The following MTMR8 variants were observed in gnomAD, a reference collection of about 807,000 sequenced individuals.
MTMR8 encodes myotubularin related protein 8, also known as phosphatidylinositol-3,5-bisphosphate 3-phosphatase MTMR8.
In MTMR8, 65 loss-of-function variants were observed where a neutral mutation model predicts 39.3. The ratio of observed to expected loss-of-function variants is 1.65; its 90% CI spans 1.35 to 2.03. The LOEUF (loss-of-function observed/expected upper bound fraction) is 2.03. MTMR8 is among the 30% of genes most tolerant of loss of function. The probability of loss-of-function intolerance (pLI) is 0.00; values close to 1 mark genes in which losing one functional copy is unlikely to be tolerated. For missense variants in MTMR8, 777 were observed against 538.9 expected (o/e 1.44, Z -4.37); for synonymous variants, 245 against 185.2 (o/e 1.32, Z -2.62).
intron 1 of MTMR8, among the ~76,000 whole-genome samples, chrX:64,369,807 T>C (rs985376748): frequency 1.8e-5 from 2 of 111,049 alleles, no homozygotes; most frequent in Admixed American, 9.6e-5. Context: ...TTTATTGAAA[T>C]GCAAGAACAG....
intron 12 of MTMR8, among the ~76,000 whole-genome samples, chrX:64,318,158 C>T (rs1413014142): frequency 8.9e-6 from 1 of 112,117 alleles, no homozygotes; most frequent in Non-Finnish European, 1.9e-5. Context: ...TCCACTGACA[C>T]CTCAGGAACA....
intron 12 of MTMR8, among the ~76,000 whole-genome samples, chrX:64,316,963 T>A (rs1922484819): frequency 9.2e-6 from 1 of 108,184 alleles, no homozygotes; most frequent in South Asian, 4.2e-4. Flanking sequence ...AGACAAAAAG[T>A]TAGCCAGGCG....
chrX:64,288,128 C>A (rs774621584), intron 12 of MTMR8, among the ~76,000 whole-genome samples: 2 of 102,876 alleles, frequency 1.9e-5, no homozygotes, highest in African/African-American at 7.0e-5. Flanking sequence ...CGGCTAACAT[C>A]CAGAATCTAA....
intron 12 of MTMR8, among the ~76,000 whole-genome samples, chrX:64,283,671 T>A (rs1221877699): frequency 8.9e-6 from 1 of 112,370 alleles, no homozygotes; most frequent in African/African-American, 3.2e-5. Flanking sequence ...TTGAGCAATA[T>A]TCGCTGTTCT....
rs751318807 is a variant in MTMR8 at position 64,328,763 on chromosome X, A to G, written c.1481+9T>C. 3 of 1,153,800 alleles carry G rather than the reference A, an allele frequency of 2.6e-6. No individual in the cohort carries two copies. The highest frequency in any genetic ancestry group is 3.4e-6 in the Non-Finnish European group (3 of 870,667). ...CTATAAGAAAGGAGGGAAAAACTTAAGAACTTACTGAATGTTGTAGGGCAC... is the reference window on the plus strand; with the variant it reads ...CTATAAGAAAGGAGGGAAAAACTTAGGAACTTACTGAATGTTGTAGGGCAC... On this transcript the variant is annotated intron_variant, in intron 12 of 13. Transcript: ENST00000374852.
chrX:64,341,879 T>C (rs1198402314), intron 8 of MTMR8, among the ~76,000 whole-genome samples: 1 of 112,254 alleles, frequency 8.9e-6, no homozygotes, highest in African/African-American at 3.2e-5. Flanking sequence ...ATTTCTGAAA[T>C]GTTTACTTCT....
intron 1 of MTMR8, among the ~76,000 whole-genome samples, chrX:64,364,811 T>C (rs1025900950): frequency 2.4e-4 from 27 of 111,778 alleles, no homozygotes; most frequent in African/African-American, 8.8e-4. Context: ...AATAAACTTC[T>C]ACGAGCTAAA....
chrX:64,326,054 T>C (rs1211163404), intron 12 of MTMR8, among the ~76,000 whole-genome samples: 1 of 112,144 alleles, frequency 8.9e-6, no homozygotes, highest in African/African-American at 3.2e-5. Flanking sequence ...ATATGTATTA[T>C]ACACTGTATT....
intron 12 of MTMR8, among the ~76,000 whole-genome samples, chrX:64,288,397 G>A (rs1353115285): frequency 9.0e-6 from 1 of 111,354 alleles, no homozygotes; most frequent in African/African-American, 3.3e-5. Context: ...TGGAGAAATA[G>A]GAACACTTTT....
At chrX:64,343,082 A>C (rs1388501621) in intron 8 of MTMR8, among the ~76,000 whole-genome samples, 1 of 111,654 alleles carries the variant, frequency 9.0e-6, no homozygotes, top group Non-Finnish European at 1.9e-5. Context: ...AAGAAGTTTA[A>C]AAAAATAGGT....
intron 10 of MTMR8, among the ~76,000 whole-genome samples, chrX:64,335,379 G>T (rs1048627494): frequency 1.8e-5 from 2 of 111,763 alleles, no homozygotes; most frequent in Admixed American, 1.9e-4. Flanking sequence ...CGATTTGCCC[G>T]CCTTGGCCTC....
intron 12 of MTMR8, among the ~76,000 whole-genome samples, chrX:64,283,222 C>A (rs1001701141): frequency 1.8e-5 from 2 of 111,873 alleles, no homozygotes; most frequent in African/African-American, 6.5e-5. Flanking sequence ...AAGCCTCGCT[C>A]ATTGCTAGCA....
At chrX:64,322,342 CA>C (rs776459556) in intron 12 of MTMR8, among the ~76,000 whole-genome samples, 6 of 111,206 alleles carry the variant, frequency 5.4e-5, no homozygotes, top group Non-Finnish European at 7.5e-5. Flanking sequence ...TCATGTTCAT[CA>C]GGGGTATTGG....
chrX:64,330,056 A>C (rs1466865355), intron 11 of MTMR8, among the ~76,000 whole-genome samples: 3 of 111,926 alleles, frequency 2.7e-5, no homozygotes, highest in Non-Finnish European at 3.8e-5. Context: ...TCTAAAGCCC[A>C]TCCTTTTCTG....
intron 12 of MTMR8, chrX:64,306,184 G>T: frequency 3.2e-6 from 1 of 308,219 alleles, no homozygotes. Flanking sequence ...ACATCGGGAG[G>T]ACCATCACTT....
At chrX:64,360,389 CCA>C in intron 1 of MTMR8, 2 of 218,559 alleles carry the variant, frequency 9.2e-6, no homozygotes, top group Admixed American at 5.7e-5. Context: ...GTCAAGCAGA[CCA>C]AAAAAAAAAA....
intron 1 of MTMR8, among the ~76,000 whole-genome samples, chrX:64,373,158 G>A (rs995676851): frequency 8.9e-5 from 10 of 112,046 alleles, no homozygotes; most frequent in South Asian, 3.7e-4. Context: ...TTAACTTATC[G>A]AAGACCACAT....
intron 12 of MTMR8, among the ~76,000 whole-genome samples, chrX:64,276,803 G>A (rs1195863083): frequency 9.0e-6 from 1 of 111,227 alleles, no homozygotes; most frequent in Non-Finnish European, 1.9e-5. Context: ...GGTAGGCTTG[G>A]TCTAGAGCTG....
intron 2 of MTMR8, among the ~76,000 whole-genome samples, chrX:64,358,571 C>T (rs1923688690): frequency 9.0e-6 from 1 of 110,605 alleles, no homozygotes; most frequent in African/African-American, 3.3e-5. Flanking sequence ...AACAACTTGC[C>T]CAAGGTTACA....
Sources: gnomAD v4.1 joint callset for allele counts (sites outside exome capture counted in the v4.1 genomes callset) on GRCh38, gnomAD v4.1.1 for gene constraint, MANE v1.5 for transcripts, NCBI Gene and HGNC (gene_info 2026-07-23, HGNC 2026-07-21) for gene names.